RCAN1: variants seen among roughly 807,000 people sequenced by gnomAD.
RCAN1 encodes calcipressin-1.
RCAN1 carries 11 observed loss-of-function variants against 22.9 expected under a neutral mutation model. The observed-to-expected ratio is 0.48, with a 90% CI of 0.30 to 0.79. The LOEUF is 0.79. Ranked by LOEUF, RCAN1 falls within the 30% of genes least tolerant of loss-of-function variation. RCAN1 has a pLI of 0.06. For missense variants in RCAN1, 291 were observed against 337.8 expected (o/e 0.86, Z 1.09); for synonymous variants, 136 against 142.3 (o/e 0.96, Z 0.32).
chr21:34,591,535 C>A (rs1056439701), intron 1 of RCAN1, among the ~76,000 whole-genome samples: 1 of 152,124 alleles, frequency 6.6e-6, no homozygotes, highest in Non-Finnish European at 1.5e-5. Context: ...GCTAGGGACA[C>A]CTTCTATCCT....
chr21:34,577,823 A>T (rs1987461127), intron 1 of RCAN1, among the ~76,000 whole-genome samples: 1 of 152,192 alleles, frequency 6.6e-6, no homozygotes, highest in African/African-American at 2.4e-5. Context: ...TTTGGCTAAT[A>T]TGTAGGAGTG....
At chr21:34,523,213 T>A (rs1226258956) in intron 2 of RCAN1, 3 of 250,268 alleles carry the variant, frequency 1.2e-5, no homozygotes, top group Non-Finnish European at 2.3e-5. Flanking sequence ...CATGGAAACC[T>A]GCTGCGCAAA....
At chr21:34,611,996 A>T (rs1988698376) in intron 1 of RCAN1, among the ~76,000 whole-genome samples, 1 of 152,120 alleles carries the variant, frequency 6.6e-6, no homozygotes, top group Non-Finnish European at 1.5e-5. Context: ...AGAATTGGAC[A>T]TCAGTGCACA....
rs767771087 is a variant in RCAN1 at position 34,517,886 on chromosome 21, G to C, written c.*198C>G. On this transcript the variant is annotated 3_prime_UTR_variant, in exon 4 of 4. Coordinates refer to ENST00000313806, the MANE Select transcript of RCAN1 (RefSeq NM_004414.7). ...TCAGTGATTGGCCCAAGTCATTCCC[G>C]GGTGCCATGAACAGTAACTGGTGTG... is the stretch of plus-strand genomic sequence containing the variant. The C allele has an allele frequency of 1.9e-5, 12 of 616,336 alleles. No homozygotes were observed. The African/African-American group carries it at 2.2e-4, about 11-fold the overall frequency. 38.2% of individuals were successfully genotyped at this position (616,336 alleles called of 1,614,324 possible).
At chr21:34,591,243 G>C (rs1987964126) in intron 1 of RCAN1, among the ~76,000 whole-genome samples, 1 of 152,174 alleles carries the variant, frequency 6.6e-6, no homozygotes, top group African/African-American at 2.4e-5. Flanking sequence ...CATTCTGATA[G>C]GAAAAGATGG....
intron 1 of RCAN1, among the ~76,000 whole-genome samples, chr21:34,599,055 T>TAA (rs1988252404): frequency 6.6e-6 from 1 of 152,130 alleles, no homozygotes; most frequent in Non-Finnish European, 1.5e-5. Flanking sequence ...CTGGGGGTAA[T>TAA]ACATCAGTAT....
chr21:34,521,167 G>A (rs781512215), intron 3 of RCAN1: 325 of 1,352,666 alleles, frequency 2.4e-4, no homozygotes, highest in Non-Finnish European at 2.9e-4. Context: ...ATCCCTATCC[G>A]GAGCGACAGA....
intron 1 of RCAN1, among the ~76,000 whole-genome samples, chr21:34,584,457 T>C (rs1475027360): frequency 6.6e-6 from 1 of 152,260 alleles, no homozygotes; most frequent in East Asian, 1.9e-4. Context: ...AACTTCATAA[T>C]GATAGTTCGT....
intron 1 of RCAN1, among the ~76,000 whole-genome samples, chr21:34,606,184 G>A (rs1035206745): frequency 6.6e-6 from 1 of 152,178 alleles, no homozygotes; most frequent in Non-Finnish European, 1.5e-5. Flanking sequence ...ACAATGAACA[G>A]TGATTCTGAG....
chr21:34,597,568 G>C (rs1446316675), intron 1 of RCAN1, among the ~76,000 whole-genome samples: 4 of 152,158 alleles, frequency 2.6e-5, no homozygotes, highest in Non-Finnish European at 4.4e-5. Flanking sequence ...GGGTAACTAG[G>C]TCTGTAACAG....
chr21:34,540,182 G>C (rs185399936), intron 1 of RCAN1, among the ~76,000 whole-genome samples: 1 of 152,330 alleles, frequency 6.6e-6, no homozygotes, highest in East Asian at 1.9e-4. Flanking sequence ...GATGACAGTT[G>C]TTTAATATAT....
At chr21:34,549,593 A>G (rs1052185627) in intron 1 of RCAN1, among the ~76,000 whole-genome samples, 1 of 152,156 alleles carries the variant, frequency 6.6e-6, no homozygotes, top group Admixed American at 6.5e-5. Flanking sequence ...ACAGGTAAGC[A>G]AAATATTTGC....
At chr21:34,557,500 T>A (rs1443591442) in intron 1 of RCAN1, among the ~76,000 whole-genome samples, 1 of 152,186 alleles carries the variant, frequency 6.6e-6, no homozygotes, top group Non-Finnish European at 1.5e-5. Flanking sequence ...AGAAAGACAG[T>A]CCAACCCAAC....
chr21:34,555,856 G>C (rs1986544947), intron 1 of RCAN1, among the ~76,000 whole-genome samples: 1 of 151,292 alleles, frequency 6.6e-6, no homozygotes, highest in Non-Finnish European at 1.5e-5. Flanking sequence ...AGGTCCAGGA[G>C]ATTGAGACTA....
rs544305073 is a variant in RCAN1 at position 34,518,100 on chromosome 21, G to A, written c.743C>T (p.Pro248Leu). 5.0e-6 allele frequency: 8 copies of A among 1,614,166 alleles called. No individual in the cohort carries two copies. In the East Asian group the frequency reaches 6.7e-5, roughly 13 times the overall value. ...IIQTRRPEYT[P>L]IHLS ...CGTGCCAGTTCAGCTGAGGTGGATC[G>A]GCGTGTACTCCGGCCTCCTGGTCTG... is the stretch of plus-strand genomic sequence containing the variant. The change falls in exon 4 of 4, where the codon CCG (proline) becomes CTG (leucine). Residue 248 changes from proline (P) to leucine (L), a missense_variant. Transcript: ENST00000313806. The surrounding 1 kb of genome is among the most constrained non-coding windows in gnomAD (Gnocchi z 4.2).
intron 1 of RCAN1, among the ~76,000 whole-genome samples, chr21:34,608,752 TTG>T (rs1988607802): frequency 6.6e-6 from 1 of 152,196 alleles, no homozygotes; most frequent in African/African-American, 2.4e-5. Context: ...CAAACCTATA[TTG>T]TATATACAGA....
intron 1 of RCAN1, among the ~76,000 whole-genome samples, chr21:34,545,252 C>T (rs753708926): frequency 6.6e-6 from 1 of 152,200 alleles, no homozygotes; most frequent in African/African-American, 2.4e-5. Flanking sequence ...CATTGCACAA[C>T]GGGCAGTGTT....
In RCAN1 at chr21:34,613,986, C is replaced by G. The variant is rs144483950; in HGVS notation, c.252+774G>C. The G allele has an allele frequency of 2.5e-4, 185 of 730,848 alleles. 1 individual carries two copies. In the African/African-American group the frequency reaches 3.3e-3, roughly 13 times the overall value. The allele number at this position is 730,848 out of a possible 1,614,324, so 45.3% of individuals were successfully genotyped here. On this transcript the variant is annotated intron_variant, in intron 1 of 3. Coordinates refer to ENST00000313806, the MANE Select transcript of RCAN1 (RefSeq NM_004414.7). ...CACATTTTATTCTGCACAATAACTG[C>G]AGATTTGAAATAAATTCTTCCTCCC...
At chr21:34,588,098 T>C (rs888448724) in intron 1 of RCAN1, among the ~76,000 whole-genome samples, 1 of 152,232 alleles carries the variant, frequency 6.6e-6, no homozygotes, top group Non-Finnish European at 1.5e-5. Flanking sequence ...AAAACAAACT[T>C]TTCCCTATAT....
Sources: gnomAD v4.1 joint callset for allele counts (sites outside exome capture counted in the v4.1 genomes callset) on GRCh38, gnomAD v4.1.1 for gene constraint, Gnocchi (gnomAD v3.1) non-coding constraint, MANE v1.5 for transcripts, NCBI Gene and HGNC (gene_info 2026-07-23, HGNC 2026-07-21) for gene names.